Variants in CSMD3 observed in about 807,000 individuals in gnomAD.
CSMD3 encodes CUB and Sushi multiple domains 3.
Under a neutral mutation model 435.2 loss-of-function variants are expected in CSMD3, and 177 were observed. The ratio of observed to expected loss-of-function variants is 0.41; its 90% CI spans 0.36 to 0.46. The LOEUF (loss-of-function observed/expected upper bound fraction) is 0.46, where lower values mean the gene tolerates loss of function less well. Ranked by LOEUF, CSMD3 falls within the 20% of genes least tolerant of loss-of-function variation. CSMD3 has a pLI of 0.34. For missense variants in CSMD3, 4,265 were observed against 4,504.6 expected (o/e 0.95, Z 1.52); for synonymous variants, 1,656 against 1,520.5 (o/e 1.09, Z -2.07).
chr8:113,072,823 G>C (rs1466906322), intron 5 of CSMD3, among the ~76,000 whole-genome samples: 1 of 78,074 alleles, frequency 1.3e-5, no homozygotes, highest in African/African-American at 9.1e-5. Flanking sequence ...AAATCATTCT[G>C]TTGGTCTTTA....
At chr8:112,985,713 A>T (rs1169794224) in intron 6 of CSMD3, among the ~76,000 whole-genome samples, 1 of 152,118 alleles carries the variant, frequency 6.6e-6, no homozygotes, top group Non-Finnish European at 1.5e-5. Context: ...TGGTGGCATT[A>T]GATTCTTATA....
chr8:112,277,081 CTCAT>C (rs1818130861), intron 59 of CSMD3, among the ~76,000 whole-genome samples: 1 of 152,140 alleles, frequency 6.6e-6, no homozygotes, highest in Non-Finnish European at 1.5e-5. Flanking sequence ...CATTTGGCTC[CTCAT>C]TACTTTCACA....
chr8:113,308,813 T>C (rs914800830), intron 2 of CSMD3, among the ~76,000 whole-genome samples: 2 of 152,228 alleles, frequency 1.3e-5, no homozygotes, highest in African/African-American at 4.8e-5. Context: ...AAGGAGAAGT[T>C]AAAGAGAGCC....
intron 4 of CSMD3, among the ~76,000 whole-genome samples, chr8:113,143,058 C>T (rs542507114): frequency 6.6e-6 from 1 of 150,912 alleles, no homozygotes; most frequent in South Asian, 2.1e-4. Context: ...TATTTGCATA[C>T]TATATATCCA....
At chr8:112,763,805 G>T (rs991256881) in intron 13 of CSMD3, among the ~76,000 whole-genome samples, 4 of 151,004 alleles carry the variant, frequency 2.6e-5, no homozygotes, top group African/African-American at 9.7e-5. Flanking sequence ...CTTTCAAAAT[G>T]TAACAAGAAT....
intron 22 of CSMD3, among the ~76,000 whole-genome samples, chr8:112,618,976 A>G (rs1833861752): frequency 6.6e-6 from 1 of 152,114 alleles, no homozygotes; most frequent in Non-Finnish European, 1.5e-5. Context: ...TATAAATTGC[A>G]TGACATTTTA....
At chr8:112,926,952 A>G (rs1387814032) in intron 9 of CSMD3, among the ~76,000 whole-genome samples, 3 of 152,170 alleles carry the variant, frequency 2.0e-5, no homozygotes, top group African/African-American at 4.8e-5. Context: ...TTTCAAAATT[A>G]TCACTGTACA....
At chr8:113,427,486 TA>T (rs56128600) in intron 1 of CSMD3, among the ~76,000 whole-genome samples, 2,882 of 128,798 alleles carry the variant, frequency 0.022, 59 homozygotes, top group African/African-American at 0.057. Context: ...CAATTATGTC[TA>T]AAAAAAAAAA....
intron 40 of CSMD3, among the ~76,000 whole-genome samples, chr8:112,350,216 C>A (rs1375110987): frequency 1.3e-5 from 2 of 150,876 alleles, no homozygotes; most frequent in Admixed American, 1.3e-4. Context: ...GAAACCCAAG[C>A]AGAGGAATGT....
intron 10 of CSMD3, among the ~76,000 whole-genome samples, chr8:112,918,392 C>A (rs921277807): frequency 1.3e-5 from 2 of 151,710 alleles, no homozygotes; most frequent in Non-Finnish European, 2.9e-5. Context: ...TGTAACTTAA[C>A]GGACTTTGAT....
At chr8:113,412,207 A>G (rs1450498432) in intron 1 of CSMD3, among the ~76,000 whole-genome samples, 1 of 152,112 alleles carries the variant, frequency 6.6e-6, no homozygotes, top group African/African-American at 2.4e-5. Context: ...GGAGTCATTA[A>G]GGAAAAACAA....
chr8:113,129,168 T>G (rs967534961), intron 4 of CSMD3, among the ~76,000 whole-genome samples: 18 of 152,290 alleles, frequency 1.2e-4, no homozygotes, highest in Non-Finnish European at 2.2e-4. Flanking sequence ...ATATTTTATG[T>G]TTCCCTTTTC....
intron 11 of CSMD3, among the ~76,000 whole-genome samples, chr8:112,844,200 CA>C (rs1311508352): frequency 2.0e-5 from 3 of 151,776 alleles, no homozygotes; most frequent in Non-Finnish European, 4.4e-5. Flanking sequence ...ATAATTAATT[CA>C]AAAAAATCAG....
At chr8:113,278,203 T>G (rs940956457) in intron 3 of CSMD3, among the ~76,000 whole-genome samples, 2 of 151,848 alleles carry the variant, frequency 1.3e-5, no homozygotes, top group African/African-American at 4.8e-5. Context: ...TGTCTCTTTC[T>G]GAACTTCTTC....
chr8:112,996,758 G>T (rs2085668314), intron 6 of CSMD3, among the ~76,000 whole-genome samples: 1 of 151,304 alleles, frequency 6.6e-6, no homozygotes, highest in Admixed American at 6.6e-5. Context: ...ATTGACTTTT[G>T]GCTAGAGATG....
intron 5 of CSMD3, among the ~76,000 whole-genome samples, chr8:113,091,637 T>A (rs910470693): frequency 2.0e-5 from 3 of 152,002 alleles, no homozygotes; most frequent in African/African-American, 7.2e-5. Flanking sequence ...ATCTCTGATT[T>A]TACTTATGTG....
At chr8:112,599,785 C>G (rs1298520125) in intron 22 of CSMD3, among the ~76,000 whole-genome samples, 1 of 147,166 alleles carries the variant, frequency 6.8e-6, no homozygotes, top group African/African-American at 2.5e-5. Context: ...AACCAAACAC[C>G]GTATATTCTC....
intron 4 of CSMD3, among the ~76,000 whole-genome samples, chr8:113,100,697 T>C (rs945071874): frequency 1.3e-5 from 2 of 152,146 alleles, no homozygotes; most frequent in Non-Finnish European, 1.5e-5. Context: ...ATTAGCTCAA[T>C]GTAGCCATTC....
chr8:112,467,477 T>C lies in CSMD3; in HGVS notation c.5395+5114A>G, dbSNP rs567804846. 2.2e-4 allele frequency among the ~76,000 whole-genome samples: 33 copies of C among 152,288 alleles called. No individual in the cohort carries two copies. In the South Asian group the frequency reaches 5.6e-3, roughly 26 times the overall value. On this transcript the variant is annotated intron_variant, in intron 32 of 70. Coordinates refer to ENST00000297405, the MANE Select transcript of CSMD3 (RefSeq NM_198123.2). ...GTCAGTTTGCAGTCCACACAGCTGA[T>C]GCGTGCTTTATACAGCAACTTATAT...
Sources: allele counts gnomAD v4.1 joint callset (sites outside exome capture counted in the v4.1 genomes callset), GRCh38; gene constraint gnomAD v4.1.1; transcripts MANE v1.5; gene names NCBI Gene and HGNC (gene_info 2026-07-23, HGNC 2026-07-21).